Variants in CAGE1 observed in about 807,000 individuals in gnomAD.
CAGE1 encodes the protein cancer-associated gene 1 protein.
CAGE1 carries 66 observed loss-of-function variants against 94.9 expected under a neutral mutation model. That is an observed-to-expected ratio of 0.70 (90% CI 0.57 to 0.85). CAGE1 has a LOEUF of 0.85. Among genes scored for constraint, CAGE1 ranks in the 40% least tolerant of loss-of-function variants. The pLI is 0.00. For synonymous variants in CAGE1, 319 were observed against 321.0 expected, an observed-to-expected ratio of 0.99 and a Z score of 0.07; for missense variants, 865 against 950.4, an observed-to-expected ratio of 0.91 and a Z score of 1.18.
intron 11 of CAGE1, among the ~76,000 whole-genome samples, chr6:7,340,627 A>G (rs1291512901): frequency 3.3e-5 from 5 of 152,172 alleles, no homozygotes; most frequent in African/African-American, 1.2e-4. Context: ...GACAGCAGGC[A>G]CTCAGCTTAA....
intron 3 of CAGE1, among the ~76,000 whole-genome samples, chr6:7,385,232 C>T (rs1032066594): frequency 2.6e-5 from 4 of 151,382 alleles, no homozygotes; most frequent in Non-Finnish European, 4.4e-5. Context: ...CTTGAACTCC[C>T]GACCTCAGGT....
intron 13 of CAGE1, among the ~76,000 whole-genome samples, chr6:7,327,790 C>T (rs145663084): frequency 0.032 from 4,823 of 151,984 alleles, 196 homozygotes; most frequent in African/African-American, 0.091. Context: ...ATTAGCTAGG[C>T]GTGGTGGTAC....
chr6:7,353,031 C>T (rs1759837904), intron 11 of CAGE1, among the ~76,000 whole-genome samples: 1 of 151,986 alleles, frequency 6.6e-6, no homozygotes, highest in South Asian at 2.1e-4. Flanking sequence ...GCAATAAAAA[C>T]ATAGATAAAT....
At chr6:7,342,316 C>G (rs76772852) in intron 11 of CAGE1, among the ~76,000 whole-genome samples, 1 of 152,218 alleles carries the variant, frequency 6.6e-6, no homozygotes, top group East Asian at 1.9e-4. Context: ...TTCATGCTCA[C>G]GGATGGCCTG....
chr6:7,340,930 G>C (rs1337695088), intron 11 of CAGE1: 5 of 416,424 alleles, frequency 1.2e-5, no homozygotes, highest in South Asian at 2.1e-5. Context: ...AGGTGGAACC[G>C]GCCTGGCTCC....
chr6:7,328,916 GTGTATA>G (rs1269761529), intron 13 of CAGE1, among the ~76,000 whole-genome samples: 29 of 33,860 alleles, frequency 8.6e-4, no homozygotes, highest in Non-Finnish European at 1.4e-3. Flanking sequence ...GTGTGTGTGT[GTGTATA>G]TATATATATA....
chr6:7,366,832 C>T (rs572342704), intron 7 of CAGE1, among the ~76,000 whole-genome samples: 22 of 152,044 alleles, frequency 1.4e-4, no homozygotes, highest in African/African-American at 5.3e-4. Context: ...GGGGTGGTCT[C>T]GGGGTCTCCA....
intron 3 of CAGE1, among the ~76,000 whole-genome samples, chr6:7,382,491 G>A (rs146664071): frequency 0.013 from 1,963 of 151,276 alleles, 40 homozygotes; most frequent in African/African-American, 0.045. Flanking sequence ...TAGTAGAGGC[G>A]GGGGTTTCAC....
At position 7,334,077 on chromosome 6, in the gene CAGE1, T is replaced by C. The variant is rs1362068232; in HGVS notation, c.2383A>G (p.Asn795Asp). 6.5e-7 allele frequency: 1 copy of C among 1,532,232 alleles called. No homozygotes were observed. The highest frequency in any genetic ancestry group is 2.0e-5 in the Admixed American group (1 of 50,862). 94.9% of individuals were successfully genotyped at this position (1,532,232 alleles called of 1,614,324 possible). A position where few individuals can be genotyped will look rare whatever the true frequency, so the allele number is the denominator to read the frequency against. Residue 795 changes from asparagine (N) to aspartate (D), a missense_variant, in exon 12 of 14, where the codon AAT becomes GAT. Coordinates refer to ENST00000502583, the MANE Select transcript of CAGE1 (RefSeq NM_001170692.2). ...HSQIAHLEER[N>D]KHLEDLIRKP... ...CTAATTAAATCCTCTAAATGTTTAT[T>C]TCTCTCTTCCAAACTGAAAGAAGAA...
chr6:7,355,979 A>T (rs771029633), intron 10 of CAGE1, 46 bp downstream of exon 10: 2 of 1,108,056 alleles, frequency 1.8e-6, no homozygotes, highest in African/African-American at 3.1e-5. Context: ...CCTGGGTGAC[A>T]GAGTGAGATC....
intron 13 of CAGE1, among the ~76,000 whole-genome samples, chr6:7,328,884 G>GTC (rs1758625183): frequency 1.3e-5 from 1 of 76,494 alleles, no homozygotes. Flanking sequence ...GTGTGTGTGT[G>GTC]TGTGTGTGTG....
At position 7,356,135 on chromosome 6, in the gene CAGE1, G is replaced by T. The variant is rs778352460; in HGVS notation, c.2194-6C>A. 2.0e-6 allele frequency: 3 copies of T among 1,471,374 alleles called. No individual in the cohort carries two copies. The highest frequency in any genetic ancestry group is 2.8e-6 in the Non-Finnish European group (3 of 1,074,964). 91.1% of individuals were successfully genotyped at this position (1,471,374 alleles called of 1,614,324 possible). ...AGATGTCCCAGTTTTGTGATCTATG[G>T]AGAAATATCAGTAAACATACTAATC... On this transcript the variant is annotated splice_polypyrimidine_tract_variant and splice_region_variant and intron_variant, in intron 9 of 13. Transcript: ENST00000502583.
At chr6:7,360,052 T>A (rs748632550) in intron 9 of CAGE1, among the ~76,000 whole-genome samples, 6 of 152,194 alleles carry the variant, frequency 3.9e-5, no homozygotes, top group Non-Finnish European at 8.8e-5. Flanking sequence ...AGGTCCCCTC[T>A]CTTCATCTTC....
chr6:7,353,696 TACACACACACACACACAC>T (rs59990182), intron 11 of CAGE1, among the ~76,000 whole-genome samples: 93 of 139,594 alleles, frequency 6.7e-4, no homozygotes, highest in South Asian at 5.4e-3. Context: ...TATATATATG[TACACACACACACACACAC>T]ACACACACAC....
At chr6:7,357,050 G>A (rs945977880) in intron 9 of CAGE1, among the ~76,000 whole-genome samples, 1 of 151,888 alleles carries the variant, frequency 6.6e-6, no homozygotes, top group African/African-American at 2.4e-5. Context: ...GCCCCCCGTC[G>A]GCCTCCCAAA....
intron 9 of CAGE1, among the ~76,000 whole-genome samples, chr6:7,356,368 T>C (rs1447216849): frequency 2.0e-5 from 3 of 152,192 alleles, no homozygotes; most frequent in Non-Finnish European, 4.4e-5. Context: ...TAAAACAGCA[T>C]TACAAATAAC....
chr6:7,356,595 T>C (rs1010061783), intron 9 of CAGE1, among the ~76,000 whole-genome samples: 2 of 152,214 alleles, frequency 1.3e-5, no homozygotes, highest in Non-Finnish European at 2.9e-5. Context: ...CAGCTTAATG[T>C]ATTTCATTTT....
At chr6:7,387,950 C>T (rs966954760) in intron 1 of CAGE1, among the ~76,000 whole-genome samples, 20 of 143,702 alleles carry the variant, frequency 1.4e-4, no homozygotes, top group African/African-American at 4.9e-4. Flanking sequence ...AGGAGAATGG[C>T]GTGAACCCCG....
At chr6:7,345,045 A>G (rs573266728) in intron 11 of CAGE1, among the ~76,000 whole-genome samples, 6 of 152,314 alleles carry the variant, frequency 3.9e-5, no homozygotes, top group Admixed American at 2.0e-4. Context: ...CCAAGCCAGC[A>G]GCGGCAGATG....
Sources: allele counts gnomAD v4.1 joint callset (sites outside exome capture counted in the v4.1 genomes callset), GRCh38; gene constraint gnomAD v4.1.1; transcripts MANE v1.5; gene names NCBI Gene and HGNC (gene_info 2026-07-23, HGNC 2026-07-21).